The following SEMA3E variants were observed in gnomAD, a reference collection of about 807,000 sequenced individuals.
The protein encoded by SEMA3E is semaphorin-3E.
In SEMA3E, 49 loss-of-function variants were observed where a neutral mutation model predicts 93.6. The observed-to-expected ratio is 0.52, with a 90% CI of 0.42 to 0.66. The LOEUF (loss-of-function observed/expected upper bound fraction) is 0.66, where lower values mean the gene tolerates loss of function less well. Ranked by LOEUF, SEMA3E falls within the 30% of genes least tolerant of loss-of-function variation. SEMA3E has a pLI of 0.00. For synonymous variants in SEMA3E, 363 were observed against 330.7 expected (o/e 1.10, Z -1.06); for missense variants, 906 against 964.8 (o/e 0.94, Z 0.81).
intron 1 of SEMA3E, among the ~76,000 whole-genome samples, chr7:83,636,596 A>G (rs1793887249): frequency 1.3e-5 from 2 of 152,180 alleles, no homozygotes; most frequent in Non-Finnish European, 2.9e-5. Flanking sequence ...GTGAATTTGT[A>G]GTAATCATAT....
chr7:83,470,796 A>G (rs1328466425), intron 2 of SEMA3E, among the ~76,000 whole-genome samples: 6 of 151,226 alleles, frequency 4.0e-5, no homozygotes, highest in Non-Finnish European at 8.8e-5. Flanking sequence ...CAATAGTCCT[A>G]TGCACACATA....
chr7:83,532,767 T>C (rs2115731954), intron 1 of SEMA3E, among the ~76,000 whole-genome samples: 1 of 140,298 alleles, frequency 7.1e-6, no homozygotes, highest in East Asian at 2.1e-4. Flanking sequence ...CTGACTGAAA[T>C]TATTTCCTGT....
chr7:83,555,031 T>A (rs113467319), intron 1 of SEMA3E, among the ~76,000 whole-genome samples: 3 of 144,810 alleles, frequency 2.1e-5, no homozygotes, highest in Admixed American at 6.9e-5. Flanking sequence ...GTGCTTTTCA[T>A]AGAAACAATT....
intron 3 of SEMA3E, among the ~76,000 whole-genome samples, chr7:83,466,961 T>C (rs1789775385): frequency 1.3e-5 from 2 of 152,298 alleles, no homozygotes; most frequent in Admixed American, 6.5e-5. Flanking sequence ...CCCAATGCTG[T>C]TAGTTTTTTA....
chr7:83,569,258 T>A (rs1003287628), intron 1 of SEMA3E, among the ~76,000 whole-genome samples: 5 of 151,856 alleles, frequency 3.3e-5, no homozygotes, highest in African/African-American at 1.2e-4. Flanking sequence ...TGGAAAGATA[T>A]CCCAAGCTCA....
intron 4 of SEMA3E, among the ~76,000 whole-genome samples, chr7:83,436,068 T>C (rs1016352271): frequency 1.3e-5 from 2 of 152,112 alleles, no homozygotes; most frequent in Non-Finnish European, 2.9e-5. Context: ...GACCATAATA[T>C]CAATACTATA....
At chr7:83,529,466 A>G (rs1450900465) in intron 1 of SEMA3E, among the ~76,000 whole-genome samples, 1 of 152,186 alleles carries the variant, frequency 6.6e-6, no homozygotes, top group Non-Finnish European at 1.5e-5. Flanking sequence ...ACATAAAAGC[A>G]TATTGTAAGG....
chr7:83,378,682 A>G (rs1787710258), intron 16 of SEMA3E, among the ~76,000 whole-genome samples: 1 of 151,782 alleles, frequency 6.6e-6, no homozygotes, highest in Admixed American at 6.6e-5. Context: ...ATCTTATCCA[A>G]TTCCTTTTTT....
In SEMA3E at chr7:83,417,015, AGGG is replaced by A. The variant is rs1562772747; in HGVS notation, c.550+1372_550+1374del. On this transcript the variant is annotated intron_variant, in intron 5 of 16. Transcript: ENST00000643230. Reference sequence around the variant, plus strand: ...CACACACACACACACACACACACACAGGGAGAGAGAGAGAGAGAGAGAATTGGT... The same window carrying A: ...CACACACACACACACACACACACACAAGAGAGAGAGAGAGAGAGAATTGGT... Among the ~76,000 whole-genome samples, 477 of 121,858 alleles carry A rather than the reference AGGG, an allele frequency of 3.9e-3. 1 individual carries two copies. Among genetic ancestry groups the A allele is most frequent in the Middle Eastern group, 9.2e-3 (2 of 218 alleles). 79.9% of individuals were successfully genotyped at this position (121,858 alleles called of 152,430 possible).
intron 1 of SEMA3E, among the ~76,000 whole-genome samples, chr7:83,550,647 C>A (rs569525024): frequency 1.2e-4 from 18 of 152,100 alleles, no homozygotes; most frequent in African/African-American, 4.3e-4. Context: ...TACAGAATAT[C>A]CACCAGTTTT....
chr7:83,386,856 A>G (rs1787892712), intron 15 of SEMA3E, 127 bp downstream of exon 15: 6 of 849,796 alleles, frequency 7.1e-6, no homozygotes, highest in Non-Finnish European at 1.1e-5. Context: ...AGAGAAAAAG[A>G]ATACTTATTA....
At chr7:83,586,630 G>T (rs1026901826) in intron 1 of SEMA3E, among the ~76,000 whole-genome samples, 8 of 151,666 alleles carry the variant, frequency 5.3e-5, no homozygotes, top group African/African-American at 1.7e-4. Context: ...ATTTTAATCA[G>T]TAAGACTCTC....
At chr7:83,512,187 C>T (rs946432301) in intron 1 of SEMA3E, among the ~76,000 whole-genome samples, 12 of 152,124 alleles carry the variant, frequency 7.9e-5, no homozygotes, top group African/African-American at 2.9e-4. Context: ...TTCCTCCACC[C>T]TCTGAATTGA....
chr7:83,589,374 T>A (rs1792706052), intron 1 of SEMA3E, among the ~76,000 whole-genome samples: 1 of 152,120 alleles, frequency 6.6e-6, no homozygotes, highest in Admixed American at 6.6e-5. Context: ...TAAAAATTAA[T>A]CTTATTCCTG....
At chr7:83,505,387 A>G (rs2065623749) in intron 1 of SEMA3E, among the ~76,000 whole-genome samples, 1 of 152,168 alleles carries the variant, frequency 6.6e-6, no homozygotes, top group African/African-American at 2.4e-5. Flanking sequence ...AAACAAATAA[A>G]AGGAGATCAT....
At chr7:83,547,211 A>G (rs868034160) in intron 1 of SEMA3E, among the ~76,000 whole-genome samples, 5 of 152,274 alleles carry the variant, frequency 3.3e-5, no homozygotes, top group South Asian at 4.1e-4. Flanking sequence ...ACCTTTTGGT[A>G]ATCTTTATGA....
At position 83,575,803 on chromosome 7, in the gene SEMA3E, C is replaced by T. The variant is rs215290; in HGVS notation, c.115+72625G>A. 2.9e-3 allele frequency among the ~76,000 whole-genome samples: 445 copies of T among 152,014 alleles called. 1 individual carries two copies. Among genetic ancestry groups the T allele is most frequent in the African/African-American group, 0.01 (426 of 41,450 alleles). ...TTATTGTGTTTATAAGGAAAAATAC[C>T]AATTCATAACTCCTTTTTGGAAGGA... On this transcript the variant is annotated intron_variant, in intron 1 of 16. Transcript: ENST00000643230.
intron 4 of SEMA3E, among the ~76,000 whole-genome samples, chr7:83,461,893 A>G (rs2115861272): frequency 6.6e-6 from 1 of 152,284 alleles, no homozygotes; most frequent in East Asian, 1.9e-4. Flanking sequence ...GAACCGCAGC[A>G]GCCAGGCGTT....
At chr7:83,471,433 G>A (rs1455831480) in intron 2 of SEMA3E, among the ~76,000 whole-genome samples, 1 of 151,888 alleles carries the variant, frequency 6.6e-6, no homozygotes, top group Non-Finnish European at 1.5e-5. Context: ...CTGATAGGAG[G>A]AAAGGCTGAA....
Sources: gnomAD v4.1 joint callset for allele counts (sites outside exome capture counted in the v4.1 genomes callset) on GRCh38, gnomAD v4.1.1 for gene constraint, MANE v1.5 for transcripts, NCBI Gene and HGNC (gene_info 2026-07-23, HGNC 2026-07-21) for gene names.